The following SBNO2 variants were observed in gnomAD, a reference collection of about 807,000 sequenced individuals.
SBNO2 encodes the protein strawberry notch homolog 2.
SBNO2 carries 89 observed loss-of-function variants against 146.3 expected under a neutral mutation model. The observed-to-expected ratio is 0.61, with a 90% CI of 0.51 to 0.73. The LOEUF is 0.73. SBNO2 is among the 30% of genes least tolerant of loss of function. SBNO2 has a pLI of 0.00. For synonymous variants in SBNO2, 1,147 were observed against 892.6 expected, an observed-to-expected ratio of 1.29 and a Z score of -5.08; for missense variants, 2,092 against 2,003.7, an observed-to-expected ratio of 1.04 and a Z score of -0.84.
chr19:1,114,445 C>T lies in SBNO2; in HGVS notation c.1886-23G>A, dbSNP rs547485603. 1.8e-4 allele frequency: 264 copies of T among 1,493,472 alleles called. 1 individual carries two copies. Among genetic ancestry groups the T allele is most frequent in the Middle Eastern group, 1.2e-3 (6 of 5,082 alleles). 92.5% of individuals were successfully genotyped at this position (1,493,472 alleles called of 1,614,324 possible). A position where few individuals can be genotyped will look rare whatever the true frequency, so the allele number is the denominator to read the frequency against. On this transcript the variant is annotated intron_variant, in intron 17 of 31. Transcript: ENST00000361757. ...GCCCTGCAGGGAAGGACAGGGTCACCGAGGGCCAGACCGCAGCAAGGTGGA... is the reference window on the plus strand; with the variant it reads ...GCCCTGCAGGGAAGGACAGGGTCACTGAGGGCCAGACCGCAGCAAGGTGGA...
intron 11 of SBNO2, 77 bp from the exon 12 acceptor site, chr19:1,120,100 C>A: frequency 8.3e-7 from 1 of 1,202,270 alleles, no homozygotes; most frequent in East Asian, 2.6e-5. Context: ...CCACCCAAGA[C>A]CCCACCTTCC....
chr19:1,164,104 C>G (rs2080377624), intron 1 of SBNO2, among the ~76,000 whole-genome samples: 1 of 152,220 alleles, frequency 6.6e-6, no homozygotes, highest in Admixed American at 6.5e-5. Flanking sequence ...TGGGAGGGCT[C>G]AAGGGTGTTG....
Sources: gnomAD v4.1 joint callset for allele counts (sites outside exome capture counted in the v4.1 genomes callset) on GRCh38, gnomAD v4.1.1 for gene constraint, MANE v1.5 for transcripts, NCBI Gene and HGNC (gene_info 2026-07-23, HGNC 2026-07-21) for gene names.